The following ERBB4 variants were observed in gnomAD, a reference collection of about 807,000 sequenced individuals.
ERBB4 encodes the protein receptor tyrosine-protein kinase erbB-4.
Under a neutral mutation model 158.0 loss-of-function variants are expected in ERBB4, and 42 were observed. The ratio of observed to expected loss-of-function variants is 0.27; its 90% confidence interval spans 0.21 to 0.34. The LOEUF is 0.34. Among genes scored for constraint, ERBB4 ranks in the 10% least tolerant of loss-of-function variants. ERBB4 has a pLI of 1.00. For missense variants in ERBB4, 1,333 were observed against 1,624.1 expected, an observed-to-expected ratio of 0.82 and a Z score of 3.08; for synonymous variants, 583 against 558.7, an observed-to-expected ratio of 1.04 and a Z score of -0.61.
chr2:212,414,134 T>C (rs1048302050), intron 1 of ERBB4, among the ~76,000 whole-genome samples: 1 of 152,192 alleles, frequency 6.6e-6, no homozygotes, highest in South Asian at 2.1e-4. Flanking sequence ...CAACTTTGCA[T>C]ATCTCATGGG....
chr2:211,510,993 A>G (rs2065870558), intron 20 of ERBB4, among the ~76,000 whole-genome samples: 1 of 152,074 alleles, frequency 6.6e-6, no homozygotes, highest in Admixed American at 6.5e-5. Flanking sequence ...CCAAGAGATT[A>G]TGAAAAAAAT....
chr2:211,554,878 C>A (rs769514709), intron 20 of ERBB4, among the ~76,000 whole-genome samples: 5 of 152,164 alleles, frequency 3.3e-5, no homozygotes, highest in Non-Finnish European at 7.4e-5. Context: ...TACTTTTTGT[C>A]TCATATTAAA....
At chr2:211,945,178 G>A (rs1441389729) in intron 3 of ERBB4, among the ~76,000 whole-genome samples, 1 of 152,030 alleles carries the variant, frequency 6.6e-6, no homozygotes, top group African/African-American at 2.4e-5. Flanking sequence ...TTTTGCCATA[G>A]AGAAAATTTT....
intron 20 of ERBB4, among the ~76,000 whole-genome samples, chr2:211,451,157 C>G (rs2064236248): frequency 6.6e-6 from 1 of 152,114 alleles, no homozygotes; most frequent in African/African-American, 2.4e-5. Flanking sequence ...GAAGGCCCAG[C>G]AAAGAGCAGT....
chr2:211,558,713 T>C (rs961649680), intron 20 of ERBB4, among the ~76,000 whole-genome samples: 2 of 151,858 alleles, frequency 1.3e-5, no homozygotes, highest in African/African-American at 4.8e-5. Context: ...CATATAAACA[T>C]AGTGTTTCTA....
At chr2:212,430,582 AG>A (rs2092006579) in intron 1 of ERBB4, among the ~76,000 whole-genome samples, 1 of 152,074 alleles carries the variant, frequency 6.6e-6, no homozygotes, top group African/African-American at 2.4e-5. Flanking sequence ...CTGGGATTAC[AG>A]GTGCCTACCA....
At position 212,369,844 on chromosome 2, in the gene ERBB4, A is replaced by G. The variant is rs994848813; in HGVS notation, c.82+168605T>C. ...ATAGCTAGGATTACAGGCATGAGCCACTGCATCTGGCTGGAATATACTAAT... is the reference window on the plus strand; with the variant it reads ...ATAGCTAGGATTACAGGCATGAGCCGCTGCATCTGGCTGGAATATACTAAT... On this transcript the variant is annotated intron_variant, in intron 1 of 27. Coordinates refer to ENST00000342788, the MANE Select transcript of ERBB4 (RefSeq NM_005235.3). Among the ~76,000 whole-genome samples, 9 of 152,260 alleles carry G rather than the reference A, an allele frequency of 5.9e-5. 1 individual carries two copies. The East Asian group carries it at 1.7e-3, about 29-fold the overall frequency.
intron 22 of ERBB4, among the ~76,000 whole-genome samples, chr2:211,426,533 G>A (rs1484493971): frequency 6.6e-6 from 1 of 151,986 alleles, no homozygotes; most frequent in African/African-American, 2.4e-5. Flanking sequence ...ATTTATTTTT[G>A]CTGAACAGTT....
At chr2:211,679,216 A>C (rs780917946) in intron 12 of ERBB4, 32 bp from the exon 13 acceptor site, 2 of 1,611,366 alleles carry the variant, frequency 1.2e-6, no homozygotes, top group Non-Finnish European at 1.7e-6. Context: ...GGGAAATAAA[A>C]CAGAGGATTG....
At chr2:211,641,562 A>C (rs2070592776) in intron 16 of ERBB4, among the ~76,000 whole-genome samples, 1 of 152,160 alleles carries the variant, frequency 6.6e-6, no homozygotes, top group African/African-American at 2.4e-5. Flanking sequence ...TGGAGAATTT[A>C]AAATTTGACA....
At chr2:211,842,680 C>T (rs1575231156) in intron 3 of ERBB4, among the ~76,000 whole-genome samples, 1 of 152,068 alleles carries the variant, frequency 6.6e-6, no homozygotes, top group Middle Eastern at 3.4e-3. Flanking sequence ...ATCACCTCAC[C>T]TCCCGCCACT....
At chr2:212,182,289 G>A (rs1322780319) in intron 1 of ERBB4, among the ~76,000 whole-genome samples, 1 of 151,650 alleles carries the variant, frequency 6.6e-6, no homozygotes, top group Admixed American at 6.6e-5. Flanking sequence ...AAATCACTGG[G>A]GATGGTATTG....
intron 4 of ERBB4, among the ~76,000 whole-genome samples, chr2:211,768,488 T>C (rs1049909113): frequency 2.6e-5 from 4 of 152,214 alleles, no homozygotes; most frequent in Non-Finnish European, 5.9e-5. Context: ...ATGAGAGCTC[T>C]TCCACTGCAA....
intron 2 of ERBB4, among the ~76,000 whole-genome samples, chr2:212,032,596 T>C (rs1287625576): frequency 1.3e-5 from 2 of 152,074 alleles, no homozygotes; most frequent in African/African-American, 4.8e-5. Flanking sequence ...ATACTTTATA[T>C]GTGGATATAA....
chr2:211,878,774 C>T (rs2078584491), intron 3 of ERBB4, among the ~76,000 whole-genome samples: 2 of 150,376 alleles, frequency 1.3e-5, no homozygotes, highest in South Asian at 4.2e-4. Flanking sequence ...TCTCCTGCCT[C>T]AGCCTCCCGA....
chr2:212,329,810 C>T (rs2088045129), intron 1 of ERBB4, among the ~76,000 whole-genome samples: 1 of 151,988 alleles, frequency 6.6e-6, no homozygotes, highest in Non-Finnish European at 1.5e-5. Context: ...GAATCTAACC[C>T]AATCAGAAAA....
chr2:211,678,217 T>C (rs899542127), intron 13 of ERBB4, among the ~76,000 whole-genome samples: 3 of 151,950 alleles, frequency 2.0e-5, no homozygotes, highest in African/African-American at 7.2e-5. Flanking sequence ...AGTTTTTCTA[T>C]TGGGCTAAGC....
intron 12 of ERBB4, among the ~76,000 whole-genome samples, chr2:211,700,486 T>C (rs1048944741): frequency 6.6e-6 from 1 of 152,172 alleles, no homozygotes; most frequent in Admixed American, 6.5e-5. Flanking sequence ...ATCTCCTTTA[T>C]TTGGAAATAT....
chr2:211,946,092 A>C (rs1290100800), intron 3 of ERBB4, among the ~76,000 whole-genome samples: 1 of 151,996 alleles, frequency 6.6e-6, no homozygotes, highest in African/African-American at 2.4e-5. Flanking sequence ...TCCATTCTTC[A>C]GTAAGAAAAC....
Sources: allele counts gnomAD v4.1 joint callset (sites outside exome capture counted in the v4.1 genomes callset), GRCh38; gene constraint gnomAD v4.1.1; transcripts MANE v1.5; gene names NCBI Gene and HGNC (gene_info 2026-07-23, HGNC 2026-07-21).